Variants in MAGEA10 observed in about 807,000 individuals in gnomAD.
MAGEA10 encodes MAGE family member A10, also known as melanoma-associated antigen 10.
MAGEA10 carries 7 observed loss-of-function variants against 8.6 expected under a neutral mutation model. The observed-to-expected ratio is 0.82, with a 90% CI of 0.46 to 1.53. MAGEA10 has a LOEUF of 1.53. Ranked by LOEUF, MAGEA10 falls within the 40% of genes most tolerant of loss-of-function variation. The probability of loss-of-function intolerance (pLI) is 0.01; values close to 1 mark genes in which losing one functional copy is unlikely to be tolerated. For missense variants in MAGEA10, 293 were observed against 274.0 expected (o/e 1.07, Z -0.49); for synonymous variants, 125 against 107.4 (o/e 1.16, Z -1.02).
At position 152,135,249 on chromosome X, in the gene MAGEA10, TG is replaced by T; in HGVS notation, c.371del (p.Pro124GlnfsTer11). 1 of 1,210,338 alleles carries T rather than the reference TG, an allele frequency of 8.3e-7. No individual in the cohort carries two copies. Among genetic ancestry groups the T allele is most frequent in the Non-Finnish European group, 1.1e-6 (1 of 894,762 alleles). The stretch of plus-strand genomic sequence containing the variant: ...CACTTCTGGGTAAAGACTCACTGTC[TG>T]GCAGGACCTGTAGGGTGCTTGGACT... ...EESPSTLQVL[P>X]DSESLPRSEI... is the part of the protein sequence containing the mutation. On this transcript the variant is annotated frameshift_variant, in exon 4 of 4. Transcript: ENST00000370323. LOFTEE classifies it high-confidence loss of function.
intron 1 of MAGEA10, among the ~76,000 whole-genome samples, chrX:152,137,438 GT>G (rs1569471787): frequency 3.1e-4 from 8 of 25,841 alleles, no homozygotes; most frequent in East Asian, 1.7e-3. Flanking sequence ...GGGGGGGGTG[GT>G]GGGCAGGGGA....
At position 152,135,283 on chromosome X, in the gene MAGEA10, T is replaced by C. The variant is rs759153084; in HGVS notation, c.338A>G (p.Lys113Arg). 1.7e-6 allele frequency: 2 copies of C among 1,211,041 alleles called. No homozygotes were observed. The highest frequency in any genetic ancestry group is 3.5e-5 in the South Asian group (2 of 56,854). The change falls in exon 4 of 4, where the codon AAG (lysine) becomes AGG (arginine). Residue 113 changes from lysine (K) to arginine (R), a missense_variant. Transcript: ENST00000370323. ...CTGTAGGGTGCTTGGACTCTCCTCC[T>C]TTTGGCTGCTGGAGCCCTCATCAGA... ...DQSDEGSSSQ[K>R]EESPSTLQVL...
Position 152,135,671 on chromosome X carries a change from T to C in MAGEA10, c.-51A>G. ...GGGAGTGTGGGCAGGACTTGGGCGA[T>C]GGGGACCCACAGGCCTGGGGAGAGA... On this transcript the variant is annotated 5_prime_UTR_variant, in exon 4 of 4. Transcript: ENST00000370323. 1 of 1,073,686 alleles carries C rather than the reference T, an allele frequency of 9.3e-7. No individual in the cohort carries two copies. The highest frequency in any genetic ancestry group is 1.2e-6 in the Non-Finnish European group (1 of 811,723). The allele number at this position is 1,073,686 out of a possible 1,213,427, so 88.5% of individuals were successfully genotyped here.
chrX:152,135,499 G>T lies in MAGEA10; in HGVS notation c.122C>A (p.Ser41Tyr), dbSNP rs1936654837. ...PLAVEEDASS[S>Y]TSTSSSFPSS... ...TGGAAAAGAGGAGCTGGTGGAAGTG[G>T]ATGATGAAGCATCCTCCTCCACAGC... Residue 41 changes from serine (S) to tyrosine (Y), a missense_variant, in exon 4 of 4, where the codon TCC becomes TAC. By Grantham distance (144) the Ser-to-Tyr change is moderately radical. Transcript: ENST00000370323. The T allele has an allele frequency of 8.4e-7, 1 of 1,193,909 alleles. No homozygotes were observed. The highest frequency in any genetic ancestry group is 1.9e-5 in the South Asian group (1 of 53,337).
chrX:152,135,158 T>A lies in MAGEA10; in HGVS notation c.463A>T (p.Ile155Phe), dbSNP rs1394457101. The change falls in exon 4 of 4, where the codon ATC becomes TTC. Residue 155 changes from isoleucine to phenylalanine, a missense_variant. By Grantham distance (21) the Ile-to-Phe change is conservative. Coordinates refer to ENST00000370323, the MANE Select transcript of MAGEA10 (RefSeq NM_021048.5). ...LLFKYQMKEP[I>F]TKAEILESVI... ...CTCTCCAGTATTTCTGCCTTTGTGA[T>A]CGGCTCCTTCATTTGATACTTGAAG... is the stretch of plus-strand genomic sequence containing the variant. The A allele has an allele frequency of 1.7e-6, 2 of 1,210,965 alleles. No individual in the cohort carries two copies. Among genetic ancestry groups the A allele is most frequent in the South Asian group, 3.5e-5 (2 of 56,915 alleles).
chrX:152,136,213 T>C (rs1936671576), intron 2 of MAGEA10: 1 of 111,356 alleles, frequency 9.0e-6, no homozygotes, highest in African/African-American at 3.3e-5. Flanking sequence ...TGTGCTCACG[T>C]GGGGCTCTCA....
intron 1 of MAGEA10, among the ~76,000 whole-genome samples, chrX:152,137,386 TCCCAAAGCTGA>T (rs372970555): frequency 5.2e-4 from 42 of 81,055 alleles, no homozygotes; most frequent in African/African-American, 1.8e-3. Context: ...TGCATGGGAT[TCCCAAAGCTGA>T]CAGAAGGAGC....
intron 2 of MAGEA10, among the ~76,000 whole-genome samples, chrX:152,136,608 C>T (rs769653932): frequency 2.7e-5 from 3 of 111,163 alleles, no homozygotes; most frequent in African/African-American, 9.8e-5. Context: ...GAGTCCTGTG[C>T]GTTTGGAGAA....
chrX:152,134,627 C>T lies in MAGEA10; in HGVS notation c.994G>A (p.Glu332Lys), dbSNP rs1936624420. ...DPRSFPLWYE[E>K]ALKDEEERAQ... ...CTCTCTTCCTCATCTTTCAAAGCCT[C>T]CTCATACCACAGTGGGAAGGATCTT... The change falls in exon 4 of 4, where the codon GAG (glutamate) becomes AAG (lysine). Residue 332 changes from glutamate (E) to lysine (K), a missense_variant. Physicochemically the swap from Glu to Lys is moderately conservative, Grantham distance 56 (BLOSUM62 1). Transcript: ENST00000370323. 8.3e-7 allele frequency: 1 copy of T among 1,208,070 alleles called. No individual in the cohort carries two copies. The highest frequency in any genetic ancestry group is 1.8e-5 in the South Asian group (1 of 56,692).
chrX:152,136,181 C>A (rs1936670579), intron 2 of MAGEA10: 1 of 111,822 alleles, frequency 8.9e-6, no homozygotes, highest in Non-Finnish European at 1.9e-5. Flanking sequence ...GAGTTCCCCA[C>A]TACCCTGGGG....
chrX:152,134,819 TG>T lies in MAGEA10; in HGVS notation c.801del (p.Arg268GlyfsTer42), dbSNP rs1209622087. ...DGMEHLIYGE[P>X]RKLLTQDWVQ... ...ACCCAATCTTGGGTGAGCAGCTTCC[TG>T]GGCTCCCCATAAATGAGGTGCTCCA... On this transcript the variant is annotated frameshift_variant, in exon 4 of 4. Coordinates refer to ENST00000370323, the MANE Select transcript of MAGEA10 (RefSeq NM_021048.5). LOFTEE classifies it high-confidence loss of function. 8.3e-7 allele frequency: 1 copy of T among 1,209,899 alleles called. No homozygotes were observed. Among genetic ancestry groups the T allele is most frequent in the East Asian group, 3.0e-5 (1 of 33,736 alleles).
chrX:152,137,314 A>G (rs769773753), intron 1 of MAGEA10, among the ~76,000 whole-genome samples: 8 of 105,207 alleles, frequency 7.6e-5, no homozygotes, highest in African/African-American at 2.8e-4. Flanking sequence ...CCTCAGACCA[A>G]GGTCCTCACC....
intron 1 of MAGEA10, among the ~76,000 whole-genome samples, chrX:152,137,919 C>T (rs904447172): frequency 1.8e-5 from 2 of 110,727 alleles, no homozygotes; most frequent in Non-Finnish European, 3.8e-5. Flanking sequence ...TTGTTCTCCT[C>T]TACCACGCCC....
chrX:152,134,393 C>G lies in MAGEA10; in HGVS notation c.*118G>C. ...ATTTAATTGTAATGTAACTACTGCT[C>G]TACTCTCTACTTCCATGATACCAAC... On this transcript the variant is annotated 3_prime_UTR_variant, in exon 4 of 4. Transcript: ENST00000370323. 1.7e-6 allele frequency: 1 copy of G among 589,101 alleles called. No homozygotes were observed. Among genetic ancestry groups the G allele is most frequent in the Non-Finnish European group, 2.6e-6 (1 of 378,672 alleles). The allele number at this position is 589,101 out of a possible 1,213,427, so 48.5% of individuals were successfully genotyped here. A position where few individuals can be genotyped will look rare whatever the true frequency, so the allele number is the denominator to read the frequency against.
intron 1 of MAGEA10, among the ~76,000 whole-genome samples, chrX:152,138,100 A>G (rs1231351779): frequency 9.1e-6 from 1 of 109,920 alleles, no homozygotes; most frequent in Non-Finnish European, 1.9e-5. Context: ...CATTCTTGGT[A>G]CCAATATCCC....
In MAGEA10 at chrX:152,134,545, G is replaced by C. The variant is rs1936622034; in HGVS notation, c.1076C>G (p.Ser359Cys). Residue 359 changes from serine (S) to cysteine (C), a missense_variant, in exon 4 of 4, where the codon TCT becomes TGT. Transcript: ENST00000370323. Reference protein sequence around the residue: ...DDTTAMASASSSATGSFSYPE With the variant: ...DDTTAMASASCSATGSFSYPE ...GTAGGAGAAGCTACCTGTAGCGCTA[G>C]AACTTGCACTGGCCATGGCAGTAGT... The C allele has an allele frequency of 1.7e-6, 2 of 1,205,856 alleles. No homozygotes were observed. The highest frequency in any genetic ancestry group is 1.8e-5 in the African/African-American group (1 of 56,422).
At chrX:152,138,291 C>T (rs1371417131) in intron 1 of MAGEA10, among the ~76,000 whole-genome samples, 184 bp downstream of exon 1, 1 of 99,946 alleles carries the variant, frequency 1.0e-5, no homozygotes, top group Admixed American at 1.1e-4. Flanking sequence ...CAAGCTCTGA[C>T]TCCCAGAGTC....
chrX:152,135,654 G>C lies in MAGEA10; in HGVS notation c.-34C>G, dbSNP rs1366195958. The C allele has an allele frequency of 9.0e-7, 1 of 1,110,406 alleles. No individual in the cohort carries two copies. Among genetic ancestry groups the C allele is most frequent in the Non-Finnish European group, 1.2e-6 (1 of 845,069 alleles). 91.5% of individuals were successfully genotyped at this position (1,110,406 alleles called of 1,213,427 possible). ...TGATCAGGGTAGCAGGTGGGAGTGT[G>C]GGCAGGACTTGGGCGATGGGGACCC... On this transcript the variant is annotated 5_prime_UTR_variant, in exon 4 of 4. Coordinates refer to ENST00000370323, the MANE Select transcript of MAGEA10 (RefSeq NM_021048.5).
intron 1 of MAGEA10, among the ~76,000 whole-genome samples, chrX:152,137,540 A>G (rs992219380): frequency 3.7e-5 from 4 of 107,689 alleles, no homozygotes; most frequent in African/African-American, 1.0e-4. Flanking sequence ...CTCCTGCTGA[A>G]TCGTGTATGG....
Sources: gnomAD v4.1 joint callset for allele counts (sites outside exome capture counted in the v4.1 genomes callset) on GRCh38, gnomAD v4.1.1 for gene constraint, MANE v1.5 for transcripts, NCBI Gene and HGNC (gene_info 2026-07-23, HGNC 2026-07-21) for gene names.